RYR3: variants seen among roughly 807,000 people sequenced by gnomAD.
The protein encoded by RYR3 is brain ryanodine receptor-calcium release channel.
A neutral mutation model predicts 584.3 loss-of-function variants in RYR3; 207 were observed. The observed-to-expected ratio is 0.35, with a 90% confidence interval of 0.32 to 0.40. The LOEUF (loss-of-function observed/expected upper bound fraction) is 0.40, where lower values mean the gene tolerates loss of function less well. Among genes scored for constraint, RYR3 ranks in the 10% least tolerant of loss-of-function variants. The probability of loss-of-function intolerance (pLI) is 1.00; values close to 1 mark genes in which losing one functional copy is unlikely to be tolerated. For synonymous variants in RYR3, 2,416 were observed against 2,248.5 expected, an observed-to-expected ratio of 1.07 and a Z score of -2.11; for missense variants, 5,616 against 6,089.2, an observed-to-expected ratio of 0.92 and a Z score of 2.59.
intron 32 of RYR3, among the ~76,000 whole-genome samples, chr15:33,657,105 G>A (rs2062860205): frequency 6.6e-6 from 1 of 152,134 alleles, no homozygotes; most frequent in Non-Finnish European, 1.5e-5. Context: ...GCCCACACTT[G>A]TGTTTTTTTC....
intron 1 of RYR3, among the ~76,000 whole-genome samples, chr15:33,432,764 C>A (rs2141755026): frequency 6.6e-6 from 1 of 150,996 alleles, no homozygotes; most frequent in South Asian, 2.1e-4. Context: ...TTGTGATCTG[C>A]CTGCCTCAGT....
chr15:33,555,143 A>G (rs1355474556), intron 10 of RYR3, among the ~76,000 whole-genome samples: 3 of 152,236 alleles, frequency 2.0e-5, no homozygotes. Context: ...TGTGCTAAGC[A>G]TGGTGTTCTT....
chr15:33,606,585 T>A (rs2059917580), intron 18 of RYR3, among the ~76,000 whole-genome samples: 1 of 152,154 alleles, frequency 6.6e-6, no homozygotes, highest in Non-Finnish European at 1.5e-5. Flanking sequence ...TGTGGGAACA[T>A]CTGCCTCCTC....
chr15:33,726,353 T>C, intron 45 of RYR3, 33 bp from the exon 46 acceptor site: 2 of 1,610,930 alleles, frequency 1.2e-6, no homozygotes, highest in South Asian at 2.2e-5. Context: ...GGAACCTCAC[T>C]TATCTAATGT....
intron 4 of RYR3, among the ~76,000 whole-genome samples, chr15:33,531,609 GT>G (rs1235279925): frequency 6.6e-6 from 1 of 151,160 alleles, no homozygotes; most frequent in Admixed American, 6.6e-5. Context: ...ACAGCTGCCT[GT>G]TAAATAATTC....
At chr15:33,778,899 G>C (rs2074203824) in intron 64 of RYR3, among the ~76,000 whole-genome samples, 1 of 152,312 alleles carries the variant, frequency 6.6e-6, no homozygotes, top group East Asian at 1.9e-4. Context: ...CGGCTCAAAT[G>C]CTTCATAGCC....
At position 33,412,036 on chromosome 15, in the gene RYR3, C is replaced by T. The variant is rs1366275195; in HGVS notation, c.52-61383C>T. On this transcript the variant is annotated intron_variant, in intron 1 of 103. Transcript: ENST00000634891. The surrounding 1 kb of genome is among the most constrained non-coding windows in gnomAD (Gnocchi z 4.3). ...ATATTACTGTGAAGGTAATATCCAA[C>T]TTAGGTTCCCAGTGTGTCAGCCACA... Among the ~76,000 whole-genome samples, 1 of 152,190 alleles carries T rather than the reference C, an allele frequency of 6.6e-6. No homozygotes were observed. Among genetic ancestry groups the T allele is most frequent in the Non-Finnish European group, 1.5e-5 (1 of 68,046 alleles).
chr15:33,339,176 G>A (rs1232426406), intron 1 of RYR3, among the ~76,000 whole-genome samples: 2 of 152,234 alleles, frequency 1.3e-5, no homozygotes, highest in Admixed American at 6.5e-5. Flanking sequence ...CCACAGGACC[G>A]AAGGCACTTA....
chr15:33,696,529 G>A, intron 39 of RYR3, 38 bp downstream of exon 39: 2 of 1,598,546 alleles, frequency 1.3e-6, no homozygotes, highest in South Asian at 1.1e-5. Flanking sequence ...CTCTCTAGGA[G>A]CTTTAAGTGG....
intron 4 of RYR3, among the ~76,000 whole-genome samples, chr15:33,531,317 T>G (rs917503136): frequency 6.6e-6 from 1 of 151,972 alleles, no homozygotes; most frequent in African/African-American, 2.4e-5. Context: ...AAATATAATT[T>G]ATTTATAATT....
chr15:33,773,813 C>G (rs1370936148), intron 64 of RYR3, among the ~76,000 whole-genome samples, 198 bp downstream of exon 64: 1 of 152,206 alleles, frequency 6.6e-6, no homozygotes, highest in African/African-American at 2.4e-5. Context: ...AGATTTATGA[C>G]TCCCGTGGAG....
chr15:33,808,114 C>T (rs2076300036), intron 70 of RYR3, among the ~76,000 whole-genome samples: 1 of 151,830 alleles, frequency 6.6e-6, no homozygotes, highest in Non-Finnish European at 1.5e-5. Context: ...CTGCCATTCT[C>T]CCAAACCTCT....
In RYR3 at chr15:33,647,310, G is replaced by C. The variant is rs961182950; in HGVS notation, c.3942-114G>C. ...GGTTGCAATCACTTGTGTTTAGGGAGTAGCCAGTTTCCTAAACTTGACTTG... is the reference window on the plus strand; with the variant it reads ...GGTTGCAATCACTTGTGTTTAGGGACTAGCCAGTTTCCTAAACTTGACTTG... On this transcript the variant is annotated intron_variant, in intron 29 of 103. Transcript: ENST00000634891. 7.8e-6 allele frequency: 6 copies of C among 770,788 alleles called. No individual in the cohort carries two copies. The Admixed American group carries it at 1.1e-4, about 14-fold the overall frequency. The allele number at this position is 770,788 out of a possible 1,614,324, so 47.7% of individuals were successfully genotyped here.
intron 1 of RYR3, among the ~76,000 whole-genome samples, chr15:33,336,417 C>CTCT (rs10636407): frequency 2.5e-4 from 8 of 31,660 alleles, no homozygotes; most frequent in African/African-American, 7.1e-4. Context: ...CAGAGCGAGA[C>CTCT]GAAAGAAAGA....
At chr15:33,500,139 T>C (rs1017590182) in intron 2 of RYR3, among the ~76,000 whole-genome samples, 4 of 152,204 alleles carry the variant, frequency 2.6e-5, no homozygotes, top group Non-Finnish European at 5.9e-5. Flanking sequence ...ACAGATTCTT[T>C]CAAGGGACCC....
intron 46 of RYR3, among the ~76,000 whole-genome samples, 159 bp downstream of exon 46, chr15:33,726,665 C>G (rs1200442936): frequency 6.6e-6 from 1 of 152,248 alleles, no homozygotes; most frequent in Non-Finnish European, 1.5e-5. Flanking sequence ...GTTTTCTCCT[C>G]TAGGCTCTAG....
chr15:33,513,940 T>C (rs960007972), intron 3 of RYR3, among the ~76,000 whole-genome samples: 1 of 152,220 alleles, frequency 6.6e-6, no homozygotes, highest in Admixed American at 6.5e-5. Context: ...ATTCCTGTGG[T>C]TGAAATTGTA....
chr15:33,772,953 G>T (rs770296056), intron 63 of RYR3, among the ~76,000 whole-genome samples: 1 of 152,154 alleles, frequency 6.6e-6, no homozygotes, highest in Non-Finnish European at 1.5e-5. Flanking sequence ...ATGTGTAGCC[G>T]CCAGATTCAC....
chr15:33,523,750 A>G (rs545777681), intron 3 of RYR3, among the ~76,000 whole-genome samples: 2 of 152,302 alleles, frequency 1.3e-5, no homozygotes, highest in Admixed American at 6.5e-5. Flanking sequence ...GAAGAGGGAC[A>G]GTCAGAGGAG....
Sources: allele counts gnomAD v4.1 joint callset (sites outside exome capture counted in the v4.1 genomes callset), GRCh38; gene constraint gnomAD v4.1.1; non-coding constraint Gnocchi (gnomAD v3.1); transcripts MANE v1.5; gene names NCBI Gene and HGNC (gene_info 2026-07-23, HGNC 2026-07-21).